Variants in MMP16 observed in about 807,000 individuals in gnomAD.
The protein encoded by MMP16 is matrix metallopeptidase 16, also known as matrix metalloproteinase-16.
A neutral mutation model predicts 67.8 loss-of-function variants in MMP16; 12 were observed. The observed-to-expected ratio is 0.18, with a 90% CI of 0.11 to 0.29. MMP16 has a LOEUF of 0.29. Ranked by LOEUF, MMP16 falls within the 10% of genes least tolerant of loss-of-function variation. The pLI is 1.00. For synonymous variants in MMP16, 249 were observed against 255.9 expected, an observed-to-expected ratio of 0.97 and a Z score of 0.26; for missense variants, 475 against 765.7, an observed-to-expected ratio of 0.62 and a Z score of 4.48.
At chr8:88,230,942 T>C (rs1202124615) in intron 1 of MMP16, among the ~76,000 whole-genome samples, 2 of 152,140 alleles carry the variant, frequency 1.3e-5, no homozygotes, top group Non-Finnish European at 2.9e-5. Flanking sequence ...CTCTGACATT[T>C]ACTATCTGTG....
chr8:88,047,890 C>A (rs1808219507), intron 8 of MMP16, among the ~76,000 whole-genome samples: 1 of 152,134 alleles, frequency 6.6e-6, no homozygotes, highest in Non-Finnish European at 1.5e-5. Flanking sequence ...GATGTCACTG[C>A]AATAATCCTT....
intron 4 of MMP16, among the ~76,000 whole-genome samples, chr8:88,135,751 G>C (rs1808108289): frequency 6.6e-6 from 1 of 151,752 alleles, no homozygotes; most frequent in Non-Finnish European, 1.5e-5. Flanking sequence ...TTCTGGTTTG[G>C]ACAATTACAT....
chr8:88,109,482 C>T (rs1350962703), intron 6 of MMP16, among the ~76,000 whole-genome samples: 1 of 151,120 alleles, frequency 6.6e-6, no homozygotes, highest in Non-Finnish European at 1.5e-5. Context: ...CCACAAAGCA[C>T]AATGATAATT....
At chr8:88,087,848 A>G (rs1328701495) in intron 6 of MMP16, among the ~76,000 whole-genome samples, 1 of 151,282 alleles carries the variant, frequency 6.6e-6, no homozygotes, top group African/African-American at 2.4e-5. Context: ...GAAGGCTGTG[A>G]TGGGAGAATT....
rs551058148 is a variant in MMP16, at chr8:88,075,190, T to C, written c.1084-447A>G. Among the ~76,000 whole-genome samples, 40 of 152,344 alleles carry C rather than the reference T, an allele frequency of 2.6e-4. 1 individual carries two copies. The highest frequency in any genetic ancestry group is 9.1e-4 in the African/African-American group (38 of 41,586). On this transcript the variant is annotated intron_variant, in intron 6 of 9. Transcript: ENST00000286614. ...CACACCTGTCTGTACGCCCCTGTTA[T>C]GCCTATTGTCTCATATAGTTATAAA...
chr8:88,060,375 C>T (rs1808381893), intron 7 of MMP16, among the ~76,000 whole-genome samples: 1 of 152,006 alleles, frequency 6.6e-6, no homozygotes, highest in Admixed American at 6.6e-5. Context: ...TTTATCTATC[C>T]TCCACAAAGT....
chr8:88,185,395 G>T (rs570361511), intron 3 of MMP16, among the ~76,000 whole-genome samples: 1 of 152,154 alleles, frequency 6.6e-6, no homozygotes, highest in Admixed American at 6.5e-5. Flanking sequence ...GGAAGTGGAA[G>T]TTGCAGTGAG....
rs1166566212 is a variant in MMP16 at position 88,166,688 on chromosome 8, CATATATATATATATATATATAT to C, written c.709+959_709+980del. On this transcript the variant is annotated intron_variant, in intron 4 of 9. Coordinates refer to ENST00000286614, the MANE Select transcript of MMP16 (RefSeq NM_005941.5). ...ACAAAAGAGAAGGAGCAAAAAATTA[CATATATATATATATATATATAT>C]ATATATATATATATATATATTCTTA... Among the ~76,000 whole-genome samples the C allele has an allele frequency of 7.9e-4, 46 of 58,386 alleles. 1 individual carries two copies. Among genetic ancestry groups the C allele is most frequent in the South Asian group, 2.9e-3 (4 of 1,374 alleles). 38.3% of individuals were successfully genotyped at this position (58,386 alleles called of 152,430 possible). A position where few individuals can be genotyped will look rare whatever the true frequency, so the allele number is the denominator to read the frequency against.
rs540859965 is a variant in MMP16 at position 88,227,281 on chromosome 8, A to T, written c.133-29975T>A. Reference sequence around the variant, plus strand: ...TTAGGAGATTTAAAGGATCAAATATAAAACATCAAGTTATGTTTTTATATA... The same window carrying T: ...TTAGGAGATTTAAAGGATCAAATATTAAACATCAAGTTATGTTTTTATATA... On this transcript the variant is annotated intron_variant, in intron 1 of 9. Transcript: ENST00000286614. Among the ~76,000 whole-genome samples, 60 of 152,206 alleles carry T rather than the reference A, an allele frequency of 3.9e-4. No homozygotes were observed. The South Asian group carries it at 0.011, about 28-fold the overall frequency.
rs1808853946 is a variant in MMP16, at chr8:88,087,531, T to C, written c.1084-12788A>G. The stretch of plus-strand genomic sequence containing the variant: ...GGTTGAGCTAGAGCTAGGGAGTATA[T>C]TTTCAGCTTGGTCTTCAATCAGACA... On this transcript the variant is annotated intron_variant, in intron 6 of 9. Coordinates refer to ENST00000286614, the MANE Select transcript of MMP16 (RefSeq NM_005941.5). Among the ~76,000 whole-genome samples the C allele has an allele frequency of 1.3e-5, 2 of 151,810 alleles. 1 individual carries two copies. The highest frequency in any genetic ancestry group is 1.3e-4 in the Admixed American group (2 of 15,234).
At chr8:88,256,667 C>CTG (rs2129937555) in intron 1 of MMP16, among the ~76,000 whole-genome samples, 1 of 147,034 alleles carries the variant, frequency 6.8e-6, no homozygotes, top group African/African-American at 2.5e-5. Context: ...CACCCCATCT[C>CTG]TCTCTCTCTC....
At position 88,056,108 on chromosome 8, in the gene MMP16, C is replaced by T. The variant is rs1422448980; in HGVS notation, c.1373+20G>A. 3 of 1,444,990 alleles carry T rather than the reference C, an allele frequency of 2.1e-6. No homozygotes were observed. The highest frequency in any genetic ancestry group is 2.2e-5 in the Admixed American group (1 of 44,466). 89.5% of individuals were successfully genotyped at this position (1,444,990 alleles called of 1,614,324 possible). On this transcript the variant is annotated intron_variant, in intron 8 of 9. Transcript: ENST00000286614. ...ACATTGGTTAATTAACTGTTTTTCT[C>T]ATGAGAAGTGTATACTGACCTGTCT... is the stretch of plus-strand genomic sequence containing the variant.
Position 88,224,059 on chromosome 8 carries a change from A to C in MMP16, c.133-26753T>G, listed in dbSNP as rs75605689. On this transcript the variant is annotated intron_variant, in intron 1 of 9. Coordinates refer to ENST00000286614, the MANE Select transcript of MMP16 (RefSeq NM_005941.5). ...ATGGACAAGAACATTAAAAAACTGC[A>C]TTAGGTTGCATTGTAGGGGCCTCTG... 1.8e-3 allele frequency among the ~76,000 whole-genome samples: 280 copies of C among 152,098 alleles called. 1 individual carries two copies. The highest frequency in any genetic ancestry group is 3.3e-3 in the Non-Finnish European group (224 of 67,958).
chr8:88,287,533 G>A (rs78234398), intron 1 of MMP16, among the ~76,000 whole-genome samples: 2,640 of 152,206 alleles, frequency 0.017, 80 homozygotes, highest in African/African-American at 0.06. Context: ...CCCTCGGGTT[G>A]ATGCAGAAAT....
intron 6 of MMP16, among the ~76,000 whole-genome samples, chr8:88,089,025 C>T (rs1427195226): frequency 1.3e-5 from 2 of 152,016 alleles, no homozygotes; most frequent in African/African-American, 2.4e-5. Flanking sequence ...GAAAATCATT[C>T]TGAGCAACTG....
intron 6 of MMP16, among the ~76,000 whole-genome samples, chr8:88,098,467 C>T (rs1040040582): frequency 5.9e-5 from 9 of 151,986 alleles, no homozygotes; most frequent in African/African-American, 2.2e-4. Context: ...CCAGTGTCAT[C>T]AGCCCCTTCC....
chr8:88,115,468 A>G (rs1047865449), intron 6 of MMP16, among the ~76,000 whole-genome samples: 2 of 152,054 alleles, frequency 1.3e-5, no homozygotes, highest in African/African-American at 4.8e-5. Flanking sequence ...TTTTTCCTGG[A>G]AAGCATGATG....
intron 4 of MMP16, among the ~76,000 whole-genome samples, chr8:88,128,673 A>G (rs1807975865): frequency 6.6e-6 from 1 of 151,770 alleles, no homozygotes. Flanking sequence ...ATGGGAAGGG[A>G]GGAGCCTTAT....
chr8:88,041,584 A>G lies in MMP16; in HGVS notation c.1701T>C (p.Ile567=). Residue 567 remains isoleucine (I), a synonymous_variant, in exon 10 of 10, where the codon ATT becomes ATC. Transcript: ENST00000286614. The surrounding 1 kb of genome is among the most constrained non-coding windows in gnomAD (Gnocchi z 6.0). ...NTASTVKAIA[I]VIPCILALCL... is the part of the protein sequence containing the mutation. ...ATAAGGCCAAGATGCAGGGAATGAC[A>G]ATAGCTATGGCTTTCACAGTGCTGG... 6.2e-7 allele frequency: 1 copy of G among 1,614,144 alleles called. No homozygotes were observed. Among genetic ancestry groups the G allele is most frequent in the Non-Finnish European group, 8.5e-7 (1 of 1,179,994 alleles).
Sources: gnomAD v4.1 joint callset for allele counts (sites outside exome capture counted in the v4.1 genomes callset) on GRCh38, gnomAD v4.1.1 for gene constraint, Gnocchi (gnomAD v3.1) non-coding constraint, MANE v1.5 for transcripts, NCBI Gene and HGNC (gene_info 2026-07-23, HGNC 2026-07-21) for gene names.